FARP2: variants seen among roughly 807,000 people sequenced by gnomAD.
The protein encoded by FARP2 is FERM, ARH/RhoGEF and pleckstrin domain protein 2.
Under a neutral mutation model 130.5 loss-of-function variants are expected in FARP2, and 111 were observed. The ratio of observed to expected loss-of-function variants is 0.85; its 90% CI spans 0.73 to 1.00. The LOEUF is 1.00. Among genes scored for constraint, FARP2 ranks in the 50% least tolerant of loss-of-function variants. The pLI is 0.00. For synonymous variants in FARP2, 504 were observed against 516.9 expected (o/e 0.98, Z 0.34); for missense variants, 1,385 against 1,346.3 (o/e 1.03, Z -0.45).
At position 241,374,229 on chromosome 2, in the gene FARP2, C is replaced by T. The variant is rs563506898; in HGVS notation, c.183+939C>T. Among the ~76,000 whole-genome samples the T allele has an allele frequency of 1.2e-3, 187 of 152,212 alleles. 2 individuals are homozygous for T. The highest frequency in any genetic ancestry group is 4.3e-3 in the African/African-American group (177 of 41,542). On this transcript the variant is annotated intron_variant, in intron 2 of 26. Coordinates refer to ENST00000264042, the MANE Select transcript of FARP2 (RefSeq NM_014808.4). ...GTTTTGCCATGTTGCCCAGGCTGGC[C>T]TCAAACTCCTGGGCTCAAGGGATCC... is the stretch of plus-strand genomic sequence containing the variant.
At chr2:241,383,010 A>C (rs2061697717) in intron 2 of FARP2, among the ~76,000 whole-genome samples, 1 of 152,212 alleles carries the variant, frequency 6.6e-6, no homozygotes, top group African/African-American at 2.4e-5. Flanking sequence ...AGTGCTGGAG[A>C]CTTCGCAGAA....
At chr2:241,368,316 T>C (rs887437210) in intron 1 of FARP2, among the ~76,000 whole-genome samples, 1 of 152,094 alleles carries the variant, frequency 6.6e-6, no homozygotes, top group Admixed American at 6.5e-5. Context: ...TTGTTTACTT[T>C]GCCACTTTCC....
At chr2:241,421,869 C>CGT (rs1559754164) in intron 8 of FARP2, among the ~76,000 whole-genome samples, 1 of 152,156 alleles carries the variant, frequency 6.6e-6, no homozygotes, top group Non-Finnish European at 1.5e-5. Context: ...ACAGGCCAGG[C>CGT]GTAGTGGCTC....
At chr2:241,417,915 A>G in intron 7 of FARP2, 47 bp from the exon 8 acceptor site, 1 of 1,602,852 alleles carries the variant, frequency 6.2e-7, no homozygotes, top group Non-Finnish European at 8.5e-7. Flanking sequence ...TGGCTCTTTC[A>G]GAAATCAAGT....
chr2:241,431,205 A>T (rs181115924), intron 8 of FARP2, among the ~76,000 whole-genome samples: 1 of 152,298 alleles, frequency 6.6e-6, no homozygotes, highest in African/African-American at 2.4e-5. Flanking sequence ...TGTTAAGTAC[A>T]TCTTTTTCCA....
At chr2:241,371,348 A>G (rs2061420367) in intron 1 of FARP2, among the ~76,000 whole-genome samples, 1 of 152,158 alleles carries the variant, frequency 6.6e-6, no homozygotes, top group Non-Finnish European at 1.5e-5. Flanking sequence ...GCTGGGTGTG[A>G]TGGCGCATGC....
chr2:241,489,235 G>C (rs1235671974), intron 21 of FARP2: 2 of 152,386 alleles, frequency 1.3e-5, no homozygotes, highest in East Asian at 3.9e-4. Context: ...TGGGGACAGA[G>C]AACTGGCCCT....
intron 18 of FARP2, among the ~76,000 whole-genome samples, chr2:241,472,947 T>G (rs1574893323): frequency 6.6e-6 from 1 of 150,950 alleles, no homozygotes; most frequent in African/African-American, 2.4e-5. Context: ...GATGCTATTC[T>G]GAGAGGACCC....
intron 21 of FARP2, chr2:241,488,187 G>C (rs1274387700): frequency 6.6e-6 from 1 of 152,096 alleles, no homozygotes; most frequent in Non-Finnish European, 1.5e-5. Flanking sequence ...TGGTCGTATG[G>C]GCACTTGAAG....
intron 13 of FARP2, chr2:241,443,174 TGGGGGGACAG>T (rs2063432374): frequency 5.0e-6 from 1 of 200,580 alleles, no homozygotes; most frequent in Non-Finnish European, 1.0e-5. Context: ...ACTGGGACTC[TGGGGGGACAG>T]TCATCCATTG....
At chr2:241,435,807 G>A (rs141502609) in intron 11 of FARP2, among the ~76,000 whole-genome samples, 44 of 150,890 alleles carry the variant, frequency 2.9e-4, no homozygotes, top group African/African-American at 8.5e-4. Context: ...CACTGCCCCC[G>A]GCCTGTAATA....
Position 241,373,117 on chromosome 2 carries a change from A to G in FARP2, c.10A>G (p.Ile4Val). The G allele has an allele frequency of 7.3e-7, 1 of 1,374,986 alleles. No individual in the cohort carries two copies. Among genetic ancestry groups the G allele is most frequent in the Non-Finnish European group, 9.5e-7 (1 of 1,050,312 alleles). The allele number at this position is 1,374,986 out of a possible 1,614,324, so 85.2% of individuals were successfully genotyped here. A position where few individuals can be genotyped will look rare whatever the true frequency, so the allele number is the denominator to read the frequency against. ...TCACTCATGGTGAAGAATGGGGGAG[A>G]TAGAAGGAACATACAGAGTCCTGCA... MGE[I>V]EGTYRVLQTA... The change falls in exon 2 of 27, where the codon ATA becomes GTA. Residue 4 changes from isoleucine (I) to valine (V), a missense_variant. Coordinates refer to ENST00000264042, the MANE Select transcript of FARP2 (RefSeq NM_014808.4).
intron 18 of FARP2, 131 bp downstream of exon 18, chr2:241,468,508 A>G (rs1405259344): frequency 4.4e-6 from 3 of 687,864 alleles, no homozygotes; most frequent in African/African-American, 3.5e-5. Context: ...CCTGGACCAC[A>G]GTGGTCAGCA....
At chr2:241,394,641 G>A (rs2061987635) in intron 2 of FARP2, among the ~76,000 whole-genome samples, 1 of 152,242 alleles carries the variant, frequency 6.6e-6, no homozygotes, top group South Asian at 2.1e-4. Flanking sequence ...GAGTGAACCT[G>A]TGGAAAATTA....
At chr2:241,384,281 T>C (rs1447853785) in intron 2 of FARP2, among the ~76,000 whole-genome samples, 2 of 152,214 alleles carry the variant, frequency 1.3e-5, no homozygotes, top group African/African-American at 4.8e-5. Flanking sequence ...GAATGTTCTA[T>C]GCACATGAAT....
rs1559817016 is a variant in FARP2, at chr2:241,491,149, CCAGGCCGCACTGT to C, written c.2594_2606del (p.Pro865ArgfsTer69). ...TGGCGGTGACACGGCCCCTGCACTG[CCAGGCCGCACTGT>C]GTGCACTCGTCCCCCCAGTGAGTGC... On this transcript the variant is annotated frameshift_variant, in exon 23 of 27. Coordinates refer to ENST00000264042, the MANE Select transcript of FARP2 (RefSeq NM_014808.4). LOFTEE classifies it high-confidence loss of function. 6.2e-7 allele frequency: 1 copy of C among 1,613,004 alleles called. No homozygotes were observed. Among genetic ancestry groups the C allele is most frequent in the Non-Finnish European group, 8.5e-7 (1 of 1,179,722 alleles).
At chr2:241,447,299 A>T (rs973594789) in intron 13 of FARP2, 4 of 152,250 alleles carry the variant, frequency 2.6e-5, no homozygotes, top group Non-Finnish European at 5.9e-5. Context: ...AACAGGGAAC[A>T]GGCACCATGA....
intron 18 of FARP2, among the ~76,000 whole-genome samples, chr2:241,469,813 G>A (rs1223823672): frequency 6.6e-6 from 1 of 152,210 alleles, no homozygotes; most frequent in Non-Finnish European, 1.5e-5. Flanking sequence ...AGGTACATAG[G>A]ACTTTGGAGG....
rs1279570669 is a variant in FARP2, at chr2:241,437,671, T to A, written c.1158+1133T>A. On this transcript the variant is annotated intron_variant, in intron 12 of 26. Transcript: ENST00000264042. ...ATATATTTATTTATTTATTTATTTA[T>A]TTTTTTTTTTTGAGACGGAGTCTTG... 8.6e-5 allele frequency among the ~76,000 whole-genome samples: 10 copies of A among 115,988 alleles called. No individual in the cohort carries two copies. In the East Asian group the frequency reaches 1.2e-3, roughly 14 times the overall value. 76.1% of individuals were successfully genotyped at this position (115,988 alleles called of 152,430 possible).
Sources: gnomAD v4.1 joint callset for allele counts (sites outside exome capture counted in the v4.1 genomes callset) on GRCh38, gnomAD v4.1.1 for gene constraint, MANE v1.5 for transcripts, NCBI Gene and HGNC (gene_info 2026-07-23, HGNC 2026-07-21) for gene names.